COG5: variants seen among roughly 807,000 people sequenced by gnomAD.
COG5 encodes the protein component of oligomeric golgi complex 5.
COG5 carries 86 observed loss-of-function variants against 110.4 expected under a neutral mutation model. The observed-to-expected ratio is 0.78, with a 90% CI of 0.65 to 0.93. The LOEUF (loss-of-function observed/expected upper bound fraction) is 0.93. Ranked by LOEUF, COG5 falls within the 40% of genes least tolerant of loss-of-function variation. COG5 has a pLI of 0.00. For missense variants in COG5, 1,077 were observed against 987.0 expected, an observed-to-expected ratio of 1.09 and a Z score of -1.22; for synonymous variants, 360 against 334.6, an observed-to-expected ratio of 1.08 and a Z score of -0.83.
intron 10 of COG5, among the ~76,000 whole-genome samples, chr7:107,360,480 G>T (rs1232094722): frequency 2.6e-5 from 4 of 152,202 alleles, no homozygotes; most frequent in African/African-American, 9.7e-5. Context: ...AAGGAGAGAA[G>T]AGCTGTGGCC....
intron 19 of COG5, among the ~76,000 whole-genome samples, chr7:107,227,404 G>C (rs1800423598): frequency 6.6e-6 from 1 of 151,188 alleles, no homozygotes; most frequent in South Asian, 2.1e-4. Context: ...TAAGAAGCTA[G>C]ATATAAAAAA....
intron 6 of COG5, among the ~76,000 whole-genome samples, chr7:107,497,126 C>T (rs10464499): frequency 0.13 from 19,043 of 152,156 alleles, 1,500 homozygotes; most frequent in Non-Finnish European, 0.17. Flanking sequence ...AAGAGGCTCA[C>T]TTGAGCCCAG....
At chr7:107,501,946 C>G (rs1798663427) in intron 6 of COG5, among the ~76,000 whole-genome samples, 1 of 152,114 alleles carries the variant, frequency 6.6e-6, no homozygotes, top group Admixed American at 6.6e-5. Context: ...AACTTCAATG[C>G]ATTTAAGAAA....
chr7:107,400,427 C>T (rs1791342742), intron 7 of COG5, among the ~76,000 whole-genome samples: 1 of 152,074 alleles, frequency 6.6e-6, no homozygotes, highest in African/African-American at 2.4e-5. Context: ...ACTATAATAA[C>T]ACTCCAGCAC....
chr7:107,556,774 T>C (rs1249624399), intron 2 of COG5, among the ~76,000 whole-genome samples: 1 of 141,602 alleles, frequency 7.1e-6, no homozygotes. Flanking sequence ...GTTTTCTTTC[T>C]TTTTTTTTTT....
chr7:107,283,325 C>A (rs1263374065), intron 13 of COG5, among the ~76,000 whole-genome samples: 1 of 151,978 alleles, frequency 6.6e-6, no homozygotes, highest in Admixed American at 6.6e-5. Flanking sequence ...ACTTTGCATC[C>A]TTGGCAAGAT....
chr7:107,352,013 T>C (rs1171169063), intron 10 of COG5, among the ~76,000 whole-genome samples: 1 of 145,286 alleles, frequency 6.9e-6, no homozygotes, highest in African/African-American at 2.5e-5. Context: ...CATGCACACA[T>C]GTTTATTGCG....
At chr7:107,424,103 T>TCTCTA (rs1563026506) in intron 6 of COG5, among the ~76,000 whole-genome samples, 1 of 151,712 alleles carries the variant, frequency 6.6e-6, no homozygotes, top group Admixed American at 6.6e-5. Context: ...TGAAACCCCG[T>TCTCTA]CTCTACTTGA....
At chr7:107,518,034 T>C (rs1220278756) in intron 6 of COG5, among the ~76,000 whole-genome samples, 1 of 152,092 alleles carries the variant, frequency 6.6e-6, no homozygotes. Flanking sequence ...ACCCAGAATT[T>C]CATATCCAGC....
chr7:107,468,721 G>T (rs1796451114), intron 6 of COG5, among the ~76,000 whole-genome samples: 1 of 151,972 alleles, frequency 6.6e-6, no homozygotes, highest in Non-Finnish European at 1.5e-5. Context: ...AATGCATACG[G>T]CTTTTCAAAT....
chr7:107,483,769 G>A (rs1007548994), intron 6 of COG5, among the ~76,000 whole-genome samples: 6 of 151,462 alleles, frequency 4.0e-5, no homozygotes, highest in East Asian at 3.9e-4. Flanking sequence ...ATATGGCCAC[G>A]TTATAGAAAA....
intron 6 of COG5, among the ~76,000 whole-genome samples, chr7:107,416,333 A>T (rs779853616): frequency 2.6e-5 from 4 of 152,106 alleles, no homozygotes; most frequent in Non-Finnish European, 4.4e-5. Flanking sequence ...AGGTATGTAC[A>T]TATGGTATAA....
intron 6 of COG5, among the ~76,000 whole-genome samples, chr7:107,415,483 A>G (rs10244682): frequency 0.11 from 16,510 of 151,978 alleles, 2,272 homozygotes; most frequent in African/African-American, 0.32. Context: ...AATAAAACTA[A>G]ATTCTAAAAA....
intron 6 of COG5, among the ~76,000 whole-genome samples, chr7:107,451,169 C>A (rs985106565): frequency 2.6e-5 from 4 of 152,100 alleles, no homozygotes; most frequent in African/African-American, 7.2e-5. Flanking sequence ...CTGGAGAAAA[C>A]TGGATCCAGA....
rs531102526 is a variant in COG5 at position 107,388,904 on chromosome 7, C to G, written c.670-16144G>C. On this transcript the variant is annotated intron_variant, in intron 7 of 21. Coordinates refer to ENST00000297135, the MANE Select transcript of COG5 (RefSeq NM_006348.5). ...CCCTGAACAATGCGGCTTCCACAGACGACACAAGCCTCAAATGTCACCTGA... is the reference window on the plus strand; with the variant it reads ...CCCTGAACAATGCGGCTTCCACAGAGGACACAAGCCTCAAATGTCACCTGA... 5.9e-5 allele frequency among the ~76,000 whole-genome samples: 9 copies of G among 152,244 alleles called. No individual in the cohort carries two copies. The South Asian group carries it at 1.9e-3, about 32-fold the overall frequency.
intron 8 of COG5, among the ~76,000 whole-genome samples, chr7:107,370,802 T>TATATA (rs1554425112): frequency 4.2e-5 from 6 of 143,372 alleles, no homozygotes; most frequent in Non-Finnish European, 7.6e-5. Context: ...AAAAAAAAAT[T>TATATA]TATATATATA....
intron 19 of COG5, among the ~76,000 whole-genome samples, chr7:107,215,111 T>C (rs978576366): frequency 1.3e-5 from 2 of 152,078 alleles, no homozygotes; most frequent in African/African-American, 4.8e-5. Flanking sequence ...ATATGGTTTT[T>C]GGAAGCCTCA....
At chr7:107,293,418 C>G (rs372379200) in intron 12 of COG5, among the ~76,000 whole-genome samples, 1 of 152,074 alleles carries the variant, frequency 6.6e-6, no homozygotes, top group African/African-American at 2.4e-5. Context: ...GTCTAGAGAA[C>G]GATCTCCACT....
Position 107,492,397 on chromosome 7 carries a change from C to A in COG5, c.538+34840G>T, listed in dbSNP as rs567318948. Among the ~76,000 whole-genome samples the A allele has an allele frequency of 4.6e-5, 7 of 152,130 alleles. No homozygotes were observed. The East Asian group carries it at 1.4e-3, about 29-fold the overall frequency. On this transcript the variant is annotated intron_variant, in intron 6 of 21. Transcript: ENST00000297135. ...GGCTTAAAAAGCACAAATTTGTTACCTTATAGCTCTGAAGGTAAAGTCCAA... is the reference window on the plus strand; with the variant it reads ...GGCTTAAAAAGCACAAATTTGTTACATTATAGCTCTGAAGGTAAAGTCCAA...
Sources: gnomAD v4.1 joint callset for allele counts (sites outside exome capture counted in the v4.1 genomes callset) on GRCh38, gnomAD v4.1.1 for gene constraint, MANE v1.5 for transcripts, NCBI Gene and HGNC (gene_info 2026-07-23, HGNC 2026-07-21) for gene names.